TEKT5: variants seen among roughly 807,000 people sequenced by gnomAD.
The protein encoded by TEKT5 is tektin-5.
In TEKT5, 52 loss-of-function variants were observed where a neutral mutation model predicts 48.7. The observed-to-expected ratio is 1.07, with a 90% CI of 0.86 to 1.35. The LOEUF is 1.35. Among genes scored for constraint, TEKT5 ranks in the 40% most tolerant of loss-of-function variants. TEKT5 has a pLI of 0.00. For missense variants in TEKT5, 831 were observed against 641.6 expected, an observed-to-expected ratio of 1.30 and a Z score of -3.19; for synonymous variants, 318 against 267.6, an observed-to-expected ratio of 1.19 and a Z score of -1.84.
chr16:10,667,505 C>G (rs943650444), intron 5 of TEKT5, among the ~76,000 whole-genome samples: 1 of 152,222 alleles, frequency 6.6e-6, no homozygotes, highest in Non-Finnish European at 1.5e-5. Context: ...CATCACTTTC[C>G]TTTTTCTGTC....
intron 5 of TEKT5, among the ~76,000 whole-genome samples, chr16:10,637,044 C>T (rs2541528): frequency 0.15 from 21,785 of 145,602 alleles, 2,112 homozygotes; most frequent in African/African-American, 0.27. Flanking sequence ...TGCAGTGGTG[C>T]GATTTCGGCT....
At chr16:10,673,483 G>A (rs1230736518) in intron 5 of TEKT5, among the ~76,000 whole-genome samples, 1 of 152,048 alleles carries the variant, frequency 6.6e-6, no homozygotes, top group Non-Finnish European at 1.5e-5. Context: ...GTTCATGAAA[G>A]ATAAAGGGAA....
intron 4 of TEKT5, among the ~76,000 whole-genome samples, chr16:10,680,167 C>T (rs1203077048): frequency 1.3e-5 from 2 of 152,246 alleles, no homozygotes; most frequent in Non-Finnish European, 2.9e-5. Flanking sequence ...TCCTGCTCAC[C>T]TTGCCAGTGC....
intron 5 of TEKT5, among the ~76,000 whole-genome samples, chr16:10,674,097 A>G (rs545765009): frequency 6.6e-6 from 1 of 152,218 alleles, no homozygotes; most frequent in South Asian, 2.1e-4. Context: ...CAAACCCTTC[A>G]CCAGGCCTAC....
intron 5 of TEKT5, among the ~76,000 whole-genome samples, chr16:10,636,200 C>T (rs1201441622): frequency 3.3e-5 from 5 of 152,014 alleles, no homozygotes; most frequent in Non-Finnish European, 5.9e-5. Flanking sequence ...CGTGGTGAAA[C>T]CCCGTCTCTA....
At chr16:10,651,960 T>C (rs1023324766) in intron 5 of TEKT5, among the ~76,000 whole-genome samples, 1 of 151,520 alleles carries the variant, frequency 6.6e-6, no homozygotes, top group African/African-American at 2.4e-5. Context: ...AGACTCCATC[T>C]CAAAAAAATA....
chr16:10,668,698 G>A (rs1230958511), intron 5 of TEKT5, among the ~76,000 whole-genome samples: 2 of 152,174 alleles, frequency 1.3e-5, no homozygotes, highest in African/African-American at 4.8e-5. Flanking sequence ...AAACCCCAAA[G>A]AAACTTCAGA....
chr16:10,677,793 T>A (rs2142303611), intron 4 of TEKT5, among the ~76,000 whole-genome samples: 1 of 125,518 alleles, frequency 8.0e-6, no homozygotes, highest in Non-Finnish European at 1.8e-5. Flanking sequence ...ACACTCTGTC[T>A]TCTGCTGGTA....
chr16:10,641,427 A>T (rs944377380), intron 5 of TEKT5, among the ~76,000 whole-genome samples: 5 of 152,124 alleles, frequency 3.3e-5, no homozygotes, highest in African/African-American at 1.2e-4. Context: ...GGGAGAGGAA[A>T]ATACCACTCC....
chr16:10,631,358 C>CGGGGGGGG (rs113859011), intron 6 of TEKT5, among the ~76,000 whole-genome samples: 1 of 25,444 alleles, frequency 3.9e-5, no homozygotes, highest in African/African-American at 1.3e-4. Flanking sequence ...GGGGTGGGGG[C>CGGGGGGGG]GGGGGAGGGT....
intron 5 of TEKT5, among the ~76,000 whole-genome samples, chr16:10,672,381 C>T (rs981617457): frequency 1.3e-5 from 2 of 151,884 alleles, no homozygotes; most frequent in African/African-American, 4.8e-5. Flanking sequence ...AACTTGGGCC[C>T]GGAAGTTCAA....
chr16:10,647,117 C>G (rs1351682359), intron 5 of TEKT5, among the ~76,000 whole-genome samples: 14 of 152,092 alleles, frequency 9.2e-5, no homozygotes, highest in Admixed American at 9.2e-4. Context: ...GGCGTCCCTA[C>G]TTGAAGAGCC....
chr16:10,647,501 T>C (rs1898088865), intron 5 of TEKT5, among the ~76,000 whole-genome samples: 1 of 147,464 alleles, frequency 6.8e-6, no homozygotes, highest in East Asian at 2.0e-4. Context: ...AGCAGCCACC[T>C]GTGGTACGCG....
intron 6 of TEKT5, among the ~76,000 whole-genome samples, chr16:10,631,358 C>CAGG (rs1555464289): frequency 3.9e-5 from 1 of 25,444 alleles, no homozygotes; most frequent in African/African-American, 1.3e-4. Context: ...GGGGTGGGGG[C>CAGG]GGGGGAGGGT....
At chr16:10,685,142 T>C (rs1898839657) in intron 3 of TEKT5, among the ~76,000 whole-genome samples, 1 of 152,196 alleles carries the variant, frequency 6.6e-6, no homozygotes, top group Admixed American at 6.5e-5. Context: ...CCGGCGTGGC[T>C]CGGCCTCCAG....
intron 5 of TEKT5, among the ~76,000 whole-genome samples, chr16:10,658,537 A>G (rs1211308089): frequency 6.6e-6 from 1 of 152,104 alleles, no homozygotes; most frequent in African/African-American, 2.4e-5. Context: ...TTTCAAGACC[A>G]GGCAAATCTA....
intron 5 of TEKT5, among the ~76,000 whole-genome samples, chr16:10,659,980 T>C (rs980081322): frequency 3.3e-5 from 5 of 152,200 alleles, no homozygotes; most frequent in African/African-American, 4.8e-5. Flanking sequence ...AGGAAAAAAC[T>C]CATTTTTGTC....
chr16:10,687,604 A>G (rs1232732784), intron 3 of TEKT5, among the ~76,000 whole-genome samples: 1 of 152,094 alleles, frequency 6.6e-6, no homozygotes, highest in African/African-American at 2.4e-5. Context: ...AATACATAAA[A>G]TAGCTGAGTG....
chr16:10,649,666 C>T (rs1019057171), intron 5 of TEKT5, among the ~76,000 whole-genome samples: 11 of 152,116 alleles, frequency 7.2e-5, no homozygotes, highest in Non-Finnish European at 1.2e-4. Context: ...GAACTCTGGG[C>T]CTCAAGTGAT....
Sources: allele counts gnomAD v4.1 joint callset (sites outside exome capture counted in the v4.1 genomes callset), GRCh38; gene constraint gnomAD v4.1.1; transcripts MANE v1.5; gene names NCBI Gene and HGNC (gene_info 2026-07-23, HGNC 2026-07-21).